KCNMA1: variants seen among roughly 807,000 people sequenced by gnomAD.
KCNMA1 encodes the protein Calcium-activated potassium channel subunit alpha-1.
Under a neutral mutation model 140.0 loss-of-function variants are expected in KCNMA1, and 29 were observed. That is an observed-to-expected ratio of 0.21 (90% CI 0.15 to 0.28). The LOEUF (loss-of-function observed/expected upper bound fraction) is 0.28, where lower values mean the gene tolerates loss of function less well. Among genes scored for constraint, KCNMA1 ranks in the 10% least tolerant of loss-of-function variants. The pLI, the probability that KCNMA1 is intolerant of heterozygous loss-of-function variation, is 1.00. For synonymous variants in KCNMA1, 612 were observed against 611.9 expected, an observed-to-expected ratio of 1.00 and a Z score of 0.00; for missense variants, 880 against 1,602.2, an observed-to-expected ratio of 0.55 and a Z score of 7.70.
At chr10:77,183,984 A>G (rs1221369406) in intron 4 of KCNMA1, among the ~76,000 whole-genome samples, 1 of 152,100 alleles carries the variant, frequency 6.6e-6, no homozygotes, top group Non-Finnish European at 1.5e-5. Flanking sequence ...ACAGCTTCAT[A>G]GGGAAGATTG....
intron 14 of KCNMA1, among the ~76,000 whole-genome samples, chr10:77,062,661 C>G (rs2095798993): frequency 6.6e-6 from 1 of 152,162 alleles, no homozygotes; most frequent in Non-Finnish European, 1.5e-5. Context: ...AAGCTACCAC[C>G]AAGGGAATGG....
Position 77,108,151 on chromosome 10 carries a change from A to C in KCNMA1, c.1223+330T>G. ...ACGTCCTCGGGTCACCTCTGACATC[A>C]CACCCCATGCAGAAACTGGGCCTTC... is the stretch of plus-strand genomic sequence containing the variant. On this transcript the variant is annotated intron_variant, in intron 9 of 27. Coordinates refer to ENST00000286628, the MANE Select transcript of KCNMA1 (RefSeq NM_001161352.2). The surrounding 1 kb of genome is among the most constrained non-coding windows in gnomAD (Gnocchi z 4.6). The C allele has an allele frequency of 1.4e-6, 1 of 691,272 alleles. No individual in the cohort carries two copies. Among genetic ancestry groups the C allele is most frequent in the Non-Finnish European group, 2.4e-6 (1 of 422,338 alleles). 42.8% of individuals were successfully genotyped at this position (691,272 alleles called of 1,614,324 possible).
chr10:77,216,205 A>G (rs2047732564), intron 3 of KCNMA1, among the ~76,000 whole-genome samples: 1 of 152,176 alleles, frequency 6.6e-6, no homozygotes, highest in Admixed American at 6.5e-5. Context: ...AGAATGTGGA[A>G]TGATTGCCAA....
chr10:77,046,283 T>C (rs1475318749), intron 14 of KCNMA1, among the ~76,000 whole-genome samples: 4 of 152,184 alleles, frequency 2.6e-5, no homozygotes, highest in African/African-American at 9.6e-5. Context: ...CAATACATTG[T>C]CACTGTCCTT....
At chr10:77,383,412 A>AT (rs11326515) in intron 2 of KCNMA1, among the ~76,000 whole-genome samples, 117 of 143,580 alleles carry the variant, frequency 8.1e-4, no homozygotes, top group East Asian at 2.7e-3. Context: ...TAACCTCGAG[A>AT]TTTTTTTTTT....
At chr10:77,452,194 A>G (rs1217437748) in intron 1 of KCNMA1, among the ~76,000 whole-genome samples, 2 of 152,154 alleles carry the variant, frequency 1.3e-5, no homozygotes, top group East Asian at 3.9e-4. Context: ...CATGACCCCC[A>G]GGGCAATCCA....
At chr10:77,186,489 A>G (rs1200598705) in intron 3 of KCNMA1, among the ~76,000 whole-genome samples, 1 of 152,192 alleles carries the variant, frequency 6.6e-6, no homozygotes, top group African/African-American at 2.4e-5. Context: ...AGGAAGCCAA[A>G]TATCACAGCC....
At chr10:77,551,091 C>T (rs1304895047) in intron 1 of KCNMA1, among the ~76,000 whole-genome samples, 3 of 152,162 alleles carry the variant, frequency 2.0e-5, no homozygotes, top group Admixed American at 1.3e-4. Flanking sequence ...CTCATCCTCC[C>T]GAGTAGCTGG....
intron 2 of KCNMA1, among the ~76,000 whole-genome samples, chr10:77,355,946 C>T (rs185819321): frequency 6.6e-6 from 1 of 152,316 alleles, no homozygotes; most frequent in East Asian, 1.9e-4. Flanking sequence ...ACCCCCTGTA[C>T]ACAATATCCA....
At chr10:76,975,903 C>T (rs999994) in intron 19 of KCNMA1, among the ~76,000 whole-genome samples, 15,374 of 152,124 alleles carry the variant, frequency 0.1, 1,320 homozygotes, top group African/African-American at 0.23. Flanking sequence ...TCTGACATCA[C>T]GGCTAACATT....
At chr10:77,630,986 A>G (rs2093120053) in intron 1 of KCNMA1, among the ~76,000 whole-genome samples, 1 of 151,740 alleles carries the variant, frequency 6.6e-6, no homozygotes, top group South Asian at 2.1e-4. Context: ...CACACCCATA[A>G]GTCTTGGCTA....
intron 19 of KCNMA1, chr10:76,977,503 AC>A (rs1398004013): frequency 2.8e-6 from 2 of 702,166 alleles, no homozygotes; most frequent in Non-Finnish European, 5.2e-6. Flanking sequence ...TGCCATAGAG[AC>A]CATATGGGTT....
intron 1 of KCNMA1, among the ~76,000 whole-genome samples, chr10:77,428,478 T>A (rs562518909): frequency 6.6e-6 from 1 of 152,198 alleles, no homozygotes; most frequent in African/African-American, 2.4e-5. Flanking sequence ...GAGAGAATCC[T>A]TAGGGAAAGC....
chr10:77,108,141 C>T lies in KCNMA1; in HGVS notation c.1223+340G>A. 1 of 657,528 alleles carries T rather than the reference C, an allele frequency of 1.5e-6. No individual in the cohort carries two copies. Among genetic ancestry groups the T allele is most frequent in the Non-Finnish European group, 2.5e-6 (1 of 393,000 alleles). The allele number at this position is 657,528 out of a possible 1,614,324, so 40.7% of individuals were successfully genotyped here. On this transcript the variant is annotated intron_variant, in intron 9 of 27. Coordinates refer to ENST00000286628, the MANE Select transcript of KCNMA1 (RefSeq NM_001161352.2). The surrounding 1 kb of genome is among the most constrained non-coding windows in gnomAD (Gnocchi z 4.6). ...AAGCGTGGCAACGTCCTCGGGTCAC[C>T]TCTGACATCACACCCCATGCAGAAA...
chr10:77,350,160 A>G (rs1334371450), intron 2 of KCNMA1, among the ~76,000 whole-genome samples: 1 of 152,166 alleles, frequency 6.6e-6, no homozygotes, highest in Non-Finnish European at 1.5e-5. Flanking sequence ...CGGCCTCCCA[A>G]AGTGCTGGGA....
Position 76,910,115 on chromosome 10 carries a change from A to C in KCNMA1, c.3017-19T>G, listed in dbSNP as rs763155532. On this transcript the variant is annotated intron_variant, in intron 24 of 27. Transcript: ENST00000286628. ...TCGTTCACTAGAAAAAGCATAAAAT[A>C]AGAATTAGCTCTGAAGACCACACAC... 1.4e-5 allele frequency: 23 copies of C among 1,613,452 alleles called. No individual in the cohort carries two copies. The highest frequency in any genetic ancestry group is 3.3e-5 in the Admixed American group (2 of 60,002).
downstream of KCNMA1, among the ~76,000 whole-genome samples, chr10:76,883,253 A>T (rs1489086209): frequency 6.6e-6 from 1 of 152,244 alleles, no homozygotes; most frequent in Non-Finnish European, 1.5e-5. Context: ...AAAAAATCAA[A>T]CCAAGAGGAC....
At chr10:76,969,708 C>G (rs2075434533) in intron 20 of KCNMA1, among the ~76,000 whole-genome samples, 1 of 152,218 alleles carries the variant, frequency 6.6e-6, no homozygotes, top group African/African-American at 2.4e-5. Context: ...ATGGTGACAG[C>G]TAAGACTTTA....
At chr10:77,613,633 G>A (rs532999799) in intron 1 of KCNMA1, among the ~76,000 whole-genome samples, 4 of 152,252 alleles carry the variant, frequency 2.6e-5, no homozygotes, top group East Asian at 1.9e-4. Context: ...TTATTTCCCC[G>A]TGTGCAGCTA....
Sources: allele counts gnomAD v4.1 joint callset (sites outside exome capture counted in the v4.1 genomes callset), GRCh38; gene constraint gnomAD v4.1.1; non-coding constraint Gnocchi (gnomAD v3.1); transcripts MANE v1.5; gene names NCBI Gene and HGNC (gene_info 2026-07-23, HGNC 2026-07-21).